DRD2: variants seen among roughly 807,000 people sequenced by gnomAD.
The protein encoded by DRD2 is dopamine receptor D2, also known as D(2) dopamine receptor.
A neutral mutation model predicts 38.0 loss-of-function variants in DRD2; 8 were observed. The observed-to-expected ratio is 0.21, with a 90% CI of 0.12 to 0.38. DRD2 has a LOEUF of 0.38. DRD2 is among the 10% of genes least tolerant of loss of function. The pLI is 1.00. For missense variants in DRD2, 403 were observed against 607.7 expected (o/e 0.66, Z 3.54); for synonymous variants, 230 against 238.6 (o/e 0.96, Z 0.33).
chr11:113,448,202 G>T (rs1428013052), intron 1 of DRD2, among the ~76,000 whole-genome samples: 1 of 152,184 alleles, frequency 6.6e-6, no homozygotes, highest in Non-Finnish European at 1.5e-5. Context: ...GTCTAATGAC[G>T]TTCTTTTCCT....
At chr11:113,452,609 A>T (rs1329974073) in intron 1 of DRD2, among the ~76,000 whole-genome samples, 1 of 150,218 alleles carries the variant, frequency 6.7e-6, no homozygotes, top group South Asian at 2.1e-4. Context: ...ACCACTGGAT[A>T]TCCCAGTAGT....
chr11:113,454,137 A>G (rs555425203), intron 1 of DRD2, among the ~76,000 whole-genome samples: 1 of 152,290 alleles, frequency 6.6e-6, no homozygotes, highest in Non-Finnish European at 1.5e-5. Flanking sequence ...TCTTTACACA[A>G]TAAAATCATT....
chr11:113,425,145 T>G (rs1463158335), intron 1 of DRD2, among the ~76,000 whole-genome samples: 2 of 152,224 alleles, frequency 1.3e-5, no homozygotes, highest in African/African-American at 4.8e-5. Flanking sequence ...TAGCTCACAT[T>G]CTAGGAGAAA....
intron 4 of DRD2, among the ~76,000 whole-genome samples, chr11:113,416,613 T>C (rs1224712689): frequency 6.6e-6 from 1 of 152,218 alleles, no homozygotes; most frequent in African/African-American, 2.4e-5. Context: ...GACATACCCC[T>C]GAACCATTAT....
intron 1 of DRD2, among the ~76,000 whole-genome samples, chr11:113,443,368 C>G (rs536209673): frequency 1.3e-5 from 2 of 152,300 alleles, no homozygotes; most frequent in Non-Finnish European, 2.9e-5. Context: ...TCTTTAAGAA[C>G]AAGGCTTGTA....
intron 1 of DRD2, among the ~76,000 whole-genome samples, chr11:113,434,071 T>C (rs989134312): frequency 6.6e-6 from 1 of 152,048 alleles, no homozygotes; most frequent in Admixed American, 6.6e-5. Context: ...GGACTATCTT[T>C]CCAGCCCCTT....
At chr11:113,416,730 A>G in intron 4 of DRD2, 133 bp downstream of exon 4, 1 of 1,345,406 alleles carries the variant, frequency 7.4e-7, no homozygotes, top group Non-Finnish European at 1.0e-6. Flanking sequence ...GCCTGGACTC[A>G]GTCCAGGGTA....
chr11:113,423,298 CAG>C (rs1950903817), intron 2 of DRD2, among the ~76,000 whole-genome samples: 1 of 151,558 alleles, frequency 6.6e-6, no homozygotes, highest in African/African-American at 2.4e-5. Flanking sequence ...TTTTTTGAGA[CAG>C]AGTCTTGCTC....
intron 2 of DRD2, among the ~76,000 whole-genome samples, chr11:113,419,060 CA>C (rs1195014419): frequency 2.0e-5 from 3 of 152,188 alleles, no homozygotes; most frequent in African/African-American, 7.2e-5. Context: ...AACTGAGAAC[CA>C]ATGAGGAAAC....
intron 1 of DRD2, among the ~76,000 whole-genome samples, chr11:113,438,225 G>C (rs1197269901): frequency 6.6e-6 from 1 of 152,048 alleles, no homozygotes; most frequent in African/African-American, 2.4e-5. Flanking sequence ...ACAACAGCTA[G>C]ATCTGGGTTC....
In DRD2 at chr11:113,469,229, C is replaced by T. The variant is rs144370254; in HGVS notation, c.-32+5847G>A. Among the ~76,000 whole-genome samples the T allele has an allele frequency of 1.4e-4, 21 of 152,180 alleles. No individual in the cohort carries two copies. The East Asian group carries it at 3.5e-3, about 25-fold the overall frequency. On this transcript the variant is annotated intron_variant, in intron 1 of 7. Coordinates refer to ENST00000362072, the MANE Select transcript of DRD2 (RefSeq NM_000795.4). ...TGCTCCCACTGCTTGCTGAGGTTTA[C>T]GCCCAGTGCATTTCATCCAAAGGGA... is the stretch of plus-strand genomic sequence containing the variant.
At chr11:113,431,031 A>G (rs1950981531) in intron 1 of DRD2, among the ~76,000 whole-genome samples, 1 of 152,224 alleles carries the variant, frequency 6.6e-6, no homozygotes, top group Admixed American at 6.5e-5. Flanking sequence ...TTGTGAAAAT[A>G]TGATCAACTT....
rs1950919208 is a variant in DRD2, at chr11:113,424,501, C to T, written c.151G>A (p.Gly51Ser). ...LTLLIAVIVFGNVLVCMAVSR... is the reference protein window; with the variant it reads ...LTLLIAVIVFSNVLVCMAVSR... ...ACAGCCATGCACACCAGCACGTTGCCGAAGACGATGACAGCGATGAGCAGG... is the reference window on the plus strand; with the variant it reads ...ACAGCCATGCACACCAGCACGTTGCTGAAGACGATGACAGCGATGAGCAGG... Residue 51 changes from glycine to serine, a missense_variant, in exon 2 of 8, where the codon GGC becomes AGC. Gly to Ser is a moderately conservative substitution (Grantham distance 56). Around this residue, in one of 4 missense-constraint regions of DRD2, gnomAD observed 162 missense variants for 254.5 expected, o/e 0.64. Coordinates refer to ENST00000362072, the MANE Select transcript of DRD2 (RefSeq NM_000795.4). The T allele has an allele frequency of 6.2e-7, 1 of 1,614,178 alleles. No homozygotes were observed. The highest frequency in any genetic ancestry group is 8.5e-7 in the Non-Finnish European group (1 of 1,180,038).
Position 113,418,257 on chromosome 11 carries a change from G to A in DRD2, c.286-121C>T, listed in dbSNP as rs576575938. On this transcript the variant is annotated intron_variant, in intron 2 of 7. Transcript: ENST00000362072. ...TCAGGAGGCAGCTGCAAGTCTTGTG[G>A]GCATCCAGCTGGGGTGTGGGGAGTG... is the stretch of plus-strand genomic sequence containing the variant. 16 of 800,548 alleles carry A rather than the reference G, an allele frequency of 2.0e-5. No individual in the cohort carries two copies. In the African/African-American group the frequency reaches 2.2e-4, roughly 11 times the overall value. 49.6% of individuals were successfully genotyped at this position (800,548 alleles called of 1,614,324 possible). A position where few individuals can be genotyped will look rare whatever the true frequency, so the allele number is the denominator to read the frequency against.
At chr11:113,425,805 G>A (rs965649899) in intron 1 of DRD2, among the ~76,000 whole-genome samples, 2 of 152,098 alleles carry the variant, frequency 1.3e-5, no homozygotes, top group Non-Finnish European at 2.9e-5. Context: ...GAGAGGGGTG[G>A]GGGGATGTTC....
At chr11:113,441,384 T>G (rs893200588) in intron 1 of DRD2, among the ~76,000 whole-genome samples, 2 of 152,252 alleles carry the variant, frequency 1.3e-5, no homozygotes, top group Non-Finnish European at 2.9e-5. Context: ...GCCCAGGGAC[T>G]GCAAACTGGT....
intron 7 of DRD2, among the ~76,000 whole-genome samples, chr11:113,411,305 T>C (rs1310815869): frequency 4.6e-5 from 7 of 152,148 alleles, no homozygotes; most frequent in African/African-American, 1.7e-4. Flanking sequence ...CCTCATAAGG[T>C]ACATAAGAAA....
intron 1 of DRD2, among the ~76,000 whole-genome samples, chr11:113,452,278 G>A (rs1951216639): frequency 2.0e-5 from 3 of 152,158 alleles, no homozygotes; most frequent in African/African-American, 7.2e-5. Context: ...CAGCCAAGGG[G>A]CCGGTGGATC....
Position 113,414,412 on chromosome 11 carries a change from T to C in DRD2, c.773A>G (p.Lys258Arg). ...EDMKLCTVIM[K>R]SNGSFPVNRR... ...GTTCACTGGGAAACTCCCATTAGAC[T>C]TCATGATAACGGTGCAGAGTTTCAT... Residue 258 changes from lysine to arginine, a missense_variant, in exon 6 of 8, where the codon AAG (lysine) becomes AGG (arginine). This residue lies in a region of DRD2 where 166 missense variants were observed against 178.6 expected (regional missense o/e 0.93). Coordinates refer to ENST00000362072, the MANE Select transcript of DRD2 (RefSeq NM_000795.4). The C allele has an allele frequency of 4.3e-6, 7 of 1,614,172 alleles. No individual in the cohort carries two copies. The highest frequency in any genetic ancestry group is 5.1e-6 in the Non-Finnish European group (6 of 1,180,028).
Sources: gnomAD v4.1 joint callset for allele counts (sites outside exome capture counted in the v4.1 genomes callset) on GRCh38, gnomAD v4.1.1 for gene constraint, gnomAD v4.1.1 regional missense constraint, MANE v1.5 for transcripts, NCBI Gene and HGNC (gene_info 2026-07-23, HGNC 2026-07-21) for gene names.